The following ERVFRD-1 variants were observed in gnomAD, a reference collection of about 807,000 sequenced individuals.
ERVFRD-1 encodes the protein endogenous retrovirus group FRD member 1, envelope.
Under a neutral mutation model 43.8 loss-of-function variants are expected in ERVFRD-1, and 33 were observed. The ratio of observed to expected loss-of-function variants is 0.75; its 90% confidence interval spans 0.57 to 1.01. ERVFRD-1 has a LOEUF of 1.01. ERVFRD-1 is among the 50% of genes least tolerant of loss of function. The probability of loss-of-function intolerance (pLI) is 0.00; values close to 1 mark genes in which losing one functional copy is unlikely to be tolerated. For missense variants in ERVFRD-1, 568 were observed against 658.4 expected, an observed-to-expected ratio of 0.86 and a Z score of 1.50; for synonymous variants, 239 against 244.4, an observed-to-expected ratio of 0.98 and a Z score of 0.21.
chr6:11,106,934 A>G (rs971465137), intron 1 of ERVFRD-1, among the ~76,000 whole-genome samples: 3 of 152,218 alleles, frequency 2.0e-5, no homozygotes, highest in African/African-American at 7.2e-5. Flanking sequence ...AGAAACGTGT[A>G]TTTGGAATTT....
At chr6:11,108,264 G>A (rs1402107949) in intron 1 of ERVFRD-1, among the ~76,000 whole-genome samples, 1 of 152,202 alleles carries the variant, frequency 6.6e-6, no homozygotes, top group Non-Finnish European at 1.5e-5. Context: ...GGTAAGCATT[G>A]AGCAGGCAGC....
In ERVFRD-1 at chr6:11,103,592, G is replaced by T; in HGVS notation, c.*102C>A. On this transcript the variant is annotated 3_prime_UTR_variant, in exon 2 of 2. Coordinates refer to ENST00000472091, the MANE Select transcript of ERVFRD-1 (RefSeq NM_207582.3). Reference sequence around the variant, plus strand: ...TCTTGCTAGCTGTCAGGGCAGGATGGCTCTGTGGATTGGCAAAAACCATAT... The same window carrying T: ...TCTTGCTAGCTGTCAGGGCAGGATGTCTCTGTGGATTGGCAAAAACCATAT... 6.9e-7 allele frequency: 1 copy of T among 1,449,160 alleles called. No homozygotes were observed. The highest frequency in any genetic ancestry group is 2.5e-5 in the East Asian group (1 of 40,220). The allele number at this position is 1,449,160 out of a possible 1,614,324, so 89.8% of individuals were successfully genotyped here. A position where few individuals can be genotyped will look rare whatever the true frequency, so the allele number is the denominator to read the frequency against.
In ERVFRD-1 at chr6:11,104,995, T is replaced by G. The variant is rs1265955914; in HGVS notation, c.316A>C (p.Lys106Gln). Residue 106 changes from lysine (K) to glutamine (Q), a missense_variant, in exon 2 of 2, where the codon AAA (lysine) becomes CAA (glutamine). Lys to Gln is a moderately conservative substitution (Grantham distance 53, BLOSUM62 1). Transcript: ENST00000472091. ...VKQDFPDIRQ[K>Q]PPIFGPIFTN... ...AAGATGGGTCCGAAAATGGGAGGTT[T>G]CTGGCGGATATCAGGGAAATCTTGC... 1.9e-6 allele frequency: 3 copies of G among 1,614,110 alleles called. No individual in the cohort carries two copies. Among genetic ancestry groups the G allele is most frequent in the Non-Finnish European group, 1.7e-6 (2 of 1,180,050 alleles).
At chr6:11,108,279 A>G (rs916148484) in intron 1 of ERVFRD-1, among the ~76,000 whole-genome samples, 1 of 152,208 alleles carries the variant, frequency 6.6e-6, no homozygotes, top group African/African-American at 2.4e-5. Context: ...GGCAGCCCTC[A>G]TGTCCAAAAG....
chr6:11,103,977 G>T lies in ERVFRD-1; in HGVS notation c.1334C>A (p.Ser445Ter). ...DEKCCFWVNQ[S>*]GKVQDNIRQL... ...TCTGATGTTGTCTTGTACTTTTCCT[G>T]ATTGATTTACCCAAAAGCAACATTT... Residue 445 changes from serine to a stop codon, truncating the protein, a stop_gained, in exon 2 of 2, where the codon TCA becomes TAA. Transcript: ENST00000472091. LOFTEE classifies it high-confidence loss of function. The T allele has an allele frequency of 6.4e-7, 1 of 1,551,630 alleles. No homozygotes were observed.
rs779832265 is a variant in ERVFRD-1, at chr6:11,105,180, C to A, written c.131G>T (p.Trp44Leu). 9 of 1,614,156 alleles carry A rather than the reference C, an allele frequency of 5.6e-6. No individual in the cohort carries two copies. Among genetic ancestry groups the A allele is most frequent in the Non-Finnish European group, 7.6e-6 (9 of 1,180,030 alleles). ...TTCAGTGGAAGAGCTAGTACATAAC[C>A]AGCAATTGGTGGAGTAAGGGGATCC... ...STGSPYSTNC[W>L]LCTSSSTETP... is the part of the protein sequence containing the mutation. Residue 44 changes from tryptophan (W) to leucine (L), a missense_variant, in exon 2 of 2, where the codon TGG (tryptophan) becomes TTG (leucine). Physicochemically the swap from Trp to Leu is moderately conservative, Grantham distance 61. Coordinates refer to ENST00000472091, the MANE Select transcript of ERVFRD-1 (RefSeq NM_207582.3).
intron 1 of ERVFRD-1, among the ~76,000 whole-genome samples, chr6:11,106,887 C>T (rs1033651392): frequency 1.3e-5 from 2 of 152,122 alleles, no homozygotes; most frequent in African/African-American, 4.8e-5. Context: ...TTAGGTACAC[C>T]CTCTCCTTCC....
At chr6:11,108,153 A>G (rs1758114486) in intron 1 of ERVFRD-1, among the ~76,000 whole-genome samples, 1 of 152,238 alleles carries the variant, frequency 6.6e-6, no homozygotes, top group African/African-American at 2.4e-5. Context: ...AAAATGAATG[A>G]GAAAAGACGG....
At position 11,103,745 on chromosome 6, in the gene ERVFRD-1, C is replaced by T. The variant is rs750832373; in HGVS notation, c.1566G>A (p.Thr522=). Residue 522 remains threonine (T), a synonymous_variant, in exon 2 of 2, where the codon ACG becomes ACA. Transcript: ENST00000472091. The part of the protein sequence containing the change: ...SSRLQAIKLQ[T]NLSAGRHPRN... ...GAGGATGGCGTCCTGCACTGAGATT[C>T]GTCTGGAGCTTTATGGCCTGAAGGC... 3.2e-6 allele frequency: 5 copies of T among 1,551,490 alleles called. No individual in the cohort carries two copies. Among genetic ancestry groups the T allele is most frequent in the East Asian group, 2.4e-5 (1 of 40,930 alleles).
chr6:11,106,532 G>A (rs28860023), intron 1 of ERVFRD-1, among the ~76,000 whole-genome samples: 32,828 of 152,146 alleles, frequency 0.22, 3,895 homozygotes, highest in African/African-American at 0.31. Context: ...ACTCTTGATG[G>A]TTTCCATTGG....
Position 11,105,274 on chromosome 6 carries a change from A to G in ERVFRD-1, c.37T>C (p.Ser13Pro). The change falls in exon 2 of 2, where the codon TCA becomes CCA. Residue 13 changes from serine to proline, a missense_variant. By Grantham distance (74) the Ser-to-Pro change is moderately conservative. Transcript: ENST00000472091. ...TCAGGATGGCGGTAGGCTGCTAGTG[A>G]AGGCGTGAGAATGAGAACCAGCAGG... is the stretch of plus-strand genomic sequence containing the variant. ...LLLLVLILTP[S>P]LAAYRHPDFP... is the part of the protein sequence containing the mutation. 1 of 1,613,996 alleles carries G rather than the reference A, an allele frequency of 6.2e-7. No homozygotes were observed. Among genetic ancestry groups the G allele is most frequent in the Non-Finnish European group, 8.5e-7 (1 of 1,179,960 alleles).
intron 1 of ERVFRD-1, among the ~76,000 whole-genome samples, chr6:11,108,051 G>C (rs1758113051): frequency 6.6e-6 from 1 of 152,150 alleles, no homozygotes; most frequent in African/African-American, 2.4e-5. Context: ...TTGAAAAAGG[G>C]GGTGTTGGCC....
intron 1 of ERVFRD-1, among the ~76,000 whole-genome samples, chr6:11,109,923 G>T (rs1758143038): frequency 6.6e-6 from 1 of 152,088 alleles, no homozygotes. Flanking sequence ...ACTTACAGCA[G>T]ACCAGAGTGG....
At chr6:11,105,696 G>A in intron 1 of ERVFRD-1, 66 bp from the exon 2 acceptor site, 1 of 191,214 alleles carries the variant, frequency 5.2e-6, no homozygotes. Context: ...GGAATTTGGG[G>A]TTCCATCCTT....
intron 1 of ERVFRD-1, among the ~76,000 whole-genome samples, chr6:11,106,912 G>T (rs72825124): frequency 0.02 from 3,068 of 152,346 alleles, 47 homozygotes; most frequent in South Asian, 0.049. Flanking sequence ...AGCTGTGTGA[G>T]TGTGAAGAAC....
In ERVFRD-1 at chr6:11,104,173, T is replaced by C; in HGVS notation, c.1138A>G (p.Thr380Ala). The change falls in exon 2 of 2, where the codon ACC (threonine) becomes GCC (alanine). Residue 380 changes from threonine (T) to alanine (A), a missense_variant. Physicochemically the swap from Thr to Ala is moderately conservative, Grantham distance 58. Transcript: ENST00000472091. Reference sequence around the variant, plus strand: ...ATTTCCTTTGAGAGCTGGCTATAGGTGAGGGAAGCTTTTGTGATTCCAGCA... The same window carrying C: ...ATTTCCTTTGAGAGCTGGCTATAGGCGAGGGAAGCTTTTGTGATTCCAGCA... ...GIAGITKASLTYSQLSKEIAN... is the reference protein window; with the variant it reads ...GIAGITKASLAYSQLSKEIAN... 2 of 1,551,672 alleles carry C rather than the reference T, an allele frequency of 1.3e-6. No individual in the cohort carries two copies. The highest frequency in any genetic ancestry group is 1.7e-6 in the Non-Finnish European group (2 of 1,146,978).
intron 1 of ERVFRD-1, among the ~76,000 whole-genome samples, chr6:11,105,970 G>A (rs940209647): frequency 6.6e-6 from 1 of 152,184 alleles, no homozygotes; most frequent in Non-Finnish European, 1.5e-5. Flanking sequence ...AAGCTAAGAG[G>A]TACACCCATG....
At position 11,104,136 on chromosome 6, in the gene ERVFRD-1, A is replaced by T. The variant is rs771451877; in HGVS notation, c.1175T>A (p.Ile392Asn). Residue 392 changes from isoleucine to asparagine, a missense_variant, in exon 2 of 2, where the codon ATT (isoleucine) becomes AAT (asparagine). Ile to Asn is a moderately radical substitution (Grantham distance 149, BLOSUM62 -3). Coordinates refer to ENST00000472091, the MANE Select transcript of ERVFRD-1 (RefSeq NM_207582.3). ...SQLSKEIANN[I>N]DTMAKALTTM... The stretch of plus-strand genomic sequence containing the variant: ...CGTTAAGGCTTTAGCCATGGTGTCA[A>T]TGTTGTTGGCTATTTCCTTTGAGAG... 1.3e-6 allele frequency: 2 copies of T among 1,551,686 alleles called. No homozygotes were observed. The highest frequency in any genetic ancestry group is 1.2e-5 in the South Asian group (1 of 84,064).
chr6:11,103,461 C>T lies in ERVFRD-1; in HGVS notation c.*233G>A, dbSNP rs1758029011. 1.8e-6 allele frequency: 1 copy of T among 555,762 alleles called. No individual in the cohort carries two copies. The highest frequency in any genetic ancestry group is 4.4e-5 in the South Asian group (1 of 22,766). The allele number at this position is 555,762 out of a possible 1,614,324, so 34.4% of individuals were successfully genotyped here. On this transcript the variant is annotated 3_prime_UTR_variant, in exon 2 of 2. Transcript: ENST00000472091. ...TACCTGCTCCAACATTTCCCCCCCT[C>T]AAGAGTCCAAGACCCAATTATCTGG...
Sources: allele counts gnomAD v4.1 joint callset (sites outside exome capture counted in the v4.1 genomes callset), GRCh38; gene constraint gnomAD v4.1.1; transcripts MANE v1.5; gene names NCBI Gene and HGNC (gene_info 2026-07-23, HGNC 2026-07-21).